UTRN: variants seen among roughly 807,000 people sequenced by gnomAD.
UTRN encodes the protein utrophin.
A neutral mutation model predicts 463.9 loss-of-function variants in UTRN; 283 were observed. The observed-to-expected ratio is 0.61, with a 90% CI of 0.55 to 0.67. The LOEUF (loss-of-function observed/expected upper bound fraction) is 0.67, where lower values mean the gene tolerates loss of function less well. Among genes scored for constraint, UTRN ranks in the 30% least tolerant of loss-of-function variants. The pLI, the probability that UTRN is intolerant of heterozygous loss-of-function variation, is 0.00. For synonymous variants in UTRN, 1,442 were observed against 1,431.5 expected (o/e 1.01, Z -0.17); for missense variants, 3,922 against 4,084.3 (o/e 0.96, Z 1.08).
At chr6:144,315,442 G>C (rs1775220398) in intron 2 of UTRN, among the ~76,000 whole-genome samples, 1 of 152,174 alleles carries the variant, frequency 6.6e-6, no homozygotes, top group South Asian at 2.1e-4. Flanking sequence ...GAAGGGGTCA[G>C]GGAAGGGGGA....
chr6:144,754,014 C>T (rs1418209828), intron 56 of UTRN, among the ~76,000 whole-genome samples: 1 of 152,100 alleles, frequency 6.6e-6, no homozygotes, highest in Non-Finnish European at 1.5e-5. Context: ...ATGTTGCATA[C>T]TCACATGTCT....
At chr6:144,414,662 C>A (rs1246390372) in intron 3 of UTRN, among the ~76,000 whole-genome samples, 1 of 151,618 alleles carries the variant, frequency 6.6e-6, no homozygotes, top group Non-Finnish European at 1.5e-5. Flanking sequence ...AGAGCAATTT[C>A]TAGTCCTGTA....
intron 51 of UTRN, among the ~76,000 whole-genome samples, chr6:144,604,504 A>G (rs925862691): frequency 6.6e-6 from 1 of 152,202 alleles, no homozygotes; most frequent in African/African-American, 2.4e-5. Flanking sequence ...ATTATTATTC[A>G]GCTAATGGTG....
intron 51 of UTRN, among the ~76,000 whole-genome samples, chr6:144,607,777 C>G (rs896052821): frequency 2.0e-5 from 3 of 152,130 alleles, no homozygotes; most frequent in Admixed American, 1.3e-4. Context: ...GCCCATGAAT[C>G]TGTATAACTT....
chr6:144,803,357 T>A (rs1313988578), intron 65 of UTRN, among the ~76,000 whole-genome samples: 3 of 152,040 alleles, frequency 2.0e-5, no homozygotes, highest in African/African-American at 7.2e-5. Context: ...GATTTTAAAC[T>A]TTTTTGGTAG....
At chr6:144,726,024 T>A (rs745571224) in intron 53 of UTRN, among the ~76,000 whole-genome samples, 10 of 152,156 alleles carry the variant, frequency 6.6e-5, no homozygotes, top group Non-Finnish European at 1.3e-4. Context: ...CAGAGAGGAT[T>A]TCTTTTTCTT....
intron 54 of UTRN, among the ~76,000 whole-genome samples, chr6:144,743,877 C>T (rs1790376425): frequency 6.6e-6 from 1 of 150,786 alleles, no homozygotes; most frequent in Non-Finnish European, 1.5e-5. Context: ...ATCTGTGGTC[C>T]CTTAAATAGC....
intron 42 of UTRN, among the ~76,000 whole-genome samples, chr6:144,531,796 T>G (rs1797083730): frequency 6.6e-6 from 1 of 152,200 alleles, no homozygotes; most frequent in South Asian, 2.1e-4. Flanking sequence ...TGTATTTTAT[T>G]TAGAAGGACA....
intron 2 of UTRN, among the ~76,000 whole-genome samples, chr6:144,301,911 A>G (rs1805303256): frequency 6.6e-6 from 1 of 152,014 alleles, no homozygotes; most frequent in African/African-American, 2.4e-5. Context: ...AGAGGGCACC[A>G]GGTGAAGACT....
chr6:144,684,454 A>T (rs1782540238), intron 52 of UTRN, among the ~76,000 whole-genome samples: 1 of 152,152 alleles, frequency 6.6e-6, no homozygotes. Context: ...TTTTTACTTT[A>T]TCTGTAAATG....
chr6:144,507,314 A>G (rs1448778388), intron 34 of UTRN, among the ~76,000 whole-genome samples: 2 of 151,948 alleles, frequency 1.3e-5, no homozygotes, highest in East Asian at 1.9e-4. Context: ...CTTGCTAGCA[A>G]GGAGTTCTGA....
intron 33 of UTRN, among the ~76,000 whole-genome samples, chr6:144,496,129 C>T (rs887501727): frequency 6.6e-6 from 1 of 152,074 alleles, no homozygotes; most frequent in Non-Finnish European, 1.5e-5. Context: ...TGCCCTGAAA[C>T]CAGGAGAGCA....
At chr6:144,396,252 T>C (rs1231956632) in intron 2 of UTRN, among the ~76,000 whole-genome samples, 2 of 152,230 alleles carry the variant, frequency 1.3e-5, no homozygotes, top group African/African-American at 4.8e-5. Context: ...GAAAACATTA[T>C]GCTAAATGAA....
intron 66 of UTRN, among the ~76,000 whole-genome samples, chr6:144,821,866 A>C (rs890189694): frequency 2.6e-5 from 4 of 152,138 alleles, no homozygotes; most frequent in African/African-American, 9.6e-5. Context: ...TCTTGGGGAA[A>C]ATGAACTTTT....
intron 53 of UTRN, among the ~76,000 whole-genome samples, chr6:144,715,872 C>T (rs1391723767): frequency 6.6e-6 from 1 of 151,514 alleles, no homozygotes; most frequent in East Asian, 1.9e-4. Flanking sequence ...GTGAATGTTC[C>T]TTTTGTCTCT....
At chr6:144,442,177 T>G (rs189402969) in intron 13 of UTRN, among the ~76,000 whole-genome samples, 58 of 152,336 alleles carry the variant, frequency 3.8e-4, no homozygotes, top group Non-Finnish European at 5.9e-5. Flanking sequence ...AAAATGAGAT[T>G]TTCTTTTCTA....
chr6:144,660,543 G>A (rs1779770019), intron 51 of UTRN, among the ~76,000 whole-genome samples: 1 of 151,668 alleles, frequency 6.6e-6, no homozygotes, highest in Non-Finnish European at 1.5e-5. Context: ...AAGTCAGCTG[G>A]TAATTTAACT....
intron 2 of UTRN, among the ~76,000 whole-genome samples, chr6:144,370,339 A>G (rs1291783506): frequency 6.6e-6 from 1 of 152,194 alleles, no homozygotes; most frequent in East Asian, 1.9e-4. Flanking sequence ...CAAGGGGCCA[A>G]CGTATAGCTC....
chr6:144,424,016 A>G lies in UTRN; in HGVS notation c.343A>G (p.Ile115Val), dbSNP rs762186330. The change falls in exon 6 of 75, where the codon ATT becomes GTT. Residue 115 changes from isoleucine to valine, a missense_variant. Ile to Val is a conservative substitution (Grantham distance 29). Transcript: ENST00000367545. ...VELVNIGGTD[I>V]VDGNHKLTLG... ...ATTAGTGAATATAGGGGGAACTGAC[A>G]TTGTGGATGGAAATCACAAACTGAC... is the stretch of plus-strand genomic sequence containing the variant. 5 of 1,614,222 alleles carry G rather than the reference A, an allele frequency of 3.1e-6. No homozygotes were observed. The highest frequency in any genetic ancestry group is 2.5e-6 in the Non-Finnish European group (3 of 1,180,048).
Sources: allele counts gnomAD v4.1 joint callset (sites outside exome capture counted in the v4.1 genomes callset), GRCh38; gene constraint gnomAD v4.1.1; transcripts MANE v1.5; gene names NCBI Gene and HGNC (gene_info 2026-07-23, HGNC 2026-07-21).